Variants in STK31 observed in about 807,000 individuals in gnomAD.
The protein encoded by STK31 is serine/threonine-protein kinase 31.
In STK31, 89 loss-of-function variants were observed where a neutral mutation model predicts 129.7. That is an observed-to-expected ratio of 0.69 (90% CI 0.58 to 0.82). STK31 has a LOEUF of 0.82. Ranked by LOEUF, STK31 falls within the 40% of genes least tolerant of loss-of-function variation. The pLI is 0.00. For missense variants in STK31, 1,187 were observed against 1,176.4 expected (o/e 1.01, Z -0.13); for synonymous variants, 448 against 395.3 (o/e 1.13, Z -1.58).
At position 23,718,528 on chromosome 7, in the gene STK31, G is replaced by A. The variant is rs552752003; in HGVS notation, c.249+949G>A. On this transcript the variant is annotated intron_variant, in intron 4 of 23. Transcript: ENST00000355870. ...TTAGTCAGTAGTTTCTCCATCAGAG[G>A]TATAACCCTCATTTTGATACTATCA... Among the ~76,000 whole-genome samples, 155 of 152,152 alleles carry A rather than the reference G, an allele frequency of 1.0e-3. 1 individual carries two copies. The highest frequency in any genetic ancestry group is 8.8e-5 in the Non-Finnish European group (6 of 67,936).
At chr7:23,762,069 G>T (rs977683963) in intron 10 of STK31, among the ~76,000 whole-genome samples, 44 of 151,268 alleles carry the variant, frequency 2.9e-4, no homozygotes, top group Admixed American at 2.8e-3. Flanking sequence ...AGGTAATAGA[G>T]ATTAAAACTT....
intron 22 of STK31, among the ~76,000 whole-genome samples, chr7:23,806,445 C>G (rs983224346): frequency 1.3e-5 from 2 of 152,140 alleles, no homozygotes; most frequent in Admixed American, 1.3e-4. Flanking sequence ...TTCTCTGAAC[C>G]TTAGCAGTGC....
At chr7:23,793,834 G>T (rs1204667889) in intron 22 of STK31, among the ~76,000 whole-genome samples, 1 of 152,132 alleles carries the variant, frequency 6.6e-6, no homozygotes, top group East Asian at 1.9e-4. Flanking sequence ...TTTGTTAAAA[G>T]GTTGAACATA....
At chr7:23,772,698 G>T (rs1336382344) in intron 15 of STK31, among the ~76,000 whole-genome samples, 2 of 152,032 alleles carry the variant, frequency 1.3e-5, no homozygotes, top group Non-Finnish European at 2.9e-5. Flanking sequence ...CCTTTTTATG[G>T]ATAGATGTAA....
intron 23 of STK31, among the ~76,000 whole-genome samples, chr7:23,817,352 A>G (rs1793535387): frequency 6.6e-6 from 1 of 152,240 alleles, no homozygotes; most frequent in Admixed American, 6.5e-5. Flanking sequence ...ATTGAAAATG[A>G]GATTAATAAT....
At chr7:23,765,117 C>T (rs905712885) in intron 11 of STK31, among the ~76,000 whole-genome samples, 6 of 151,384 alleles carry the variant, frequency 4.0e-5, no homozygotes, top group South Asian at 2.1e-4. Context: ...GTGCAGTGGC[C>T]GATCTCCGCT....
chr7:23,827,894 G>C (rs905810558), intron 23 of STK31, among the ~76,000 whole-genome samples: 1 of 152,156 alleles, frequency 6.6e-6, no homozygotes, highest in Non-Finnish European at 1.5e-5. Context: ...CAGCAGTGGT[G>C]GCTGCAGAAC....
chr7:23,730,878 A>ATATATATATATATATATTTTT, intron 6 of STK31, among the ~76,000 whole-genome samples: 8 of 59,530 alleles, frequency 1.3e-4, no homozygotes, highest in Non-Finnish European at 2.6e-4. Context: ...ATATATATAT[A>ATATATATATATATATATTTTT]TTTTTTTTTT....
intron 4 of STK31, among the ~76,000 whole-genome samples, chr7:23,720,553 A>G (rs896917166): frequency 2.0e-5 from 3 of 152,196 alleles, no homozygotes; most frequent in Non-Finnish European, 4.4e-5. Flanking sequence ...TTAAAATGCT[A>G]GAGAGTTAAG....
At chr7:23,820,251 A>G (rs536015017) in intron 23 of STK31, among the ~76,000 whole-genome samples, 30 of 152,290 alleles carry the variant, frequency 2.0e-4, no homozygotes, top group Middle Eastern at 3.4e-3. Flanking sequence ...CCCAAGTCCT[A>G]CAGTTGGCCC....
intron 8 of STK31, among the ~76,000 whole-genome samples, chr7:23,748,488 G>T (rs1788489176): frequency 6.6e-6 from 1 of 152,086 alleles, no homozygotes; most frequent in African/African-American, 2.4e-5. Flanking sequence ...CTTATATGTG[G>T]ATATTTTAAA....
intron 8 of STK31, among the ~76,000 whole-genome samples, chr7:23,743,473 C>T (rs1788172702): frequency 6.6e-6 from 1 of 152,160 alleles, no homozygotes; most frequent in South Asian, 2.1e-4. Context: ...TCATTCTCTC[C>T]TGTAAGGATT....
intron 23 of STK31, among the ~76,000 whole-genome samples, chr7:23,824,081 G>A (rs1793959248): frequency 6.6e-6 from 1 of 152,176 alleles, no homozygotes; most frequent in Non-Finnish European, 1.5e-5. Flanking sequence ...GGCAATGCGG[G>A]CTCTTTGTTG....
Position 23,785,130 on chromosome 7 carries a change from C to T in STK31, c.2149-348C>T, listed in dbSNP as rs939894997. Among the ~76,000 whole-genome samples the T allele has an allele frequency of 4.6e-5, 7 of 152,242 alleles. No homozygotes were observed. In the East Asian group the frequency reaches 5.8e-4, roughly 13 times the overall value. On this transcript the variant is annotated intron_variant, in intron 17 of 23. Coordinates refer to ENST00000355870, the MANE Select transcript of STK31 (RefSeq NM_031414.5). ...CAATATGTAGTCCCTCATTCCTCAC[C>T]CCCGTCCCAATCAGTTGTTACTTTA...
At chr7:23,767,764 A>G (rs1449308196) in intron 11 of STK31, among the ~76,000 whole-genome samples, 1 of 152,092 alleles carries the variant, frequency 6.6e-6, no homozygotes. Context: ...GCCTATGAAA[A>G]AAGTTTTCTT....
intron 15 of STK31, among the ~76,000 whole-genome samples, chr7:23,774,337 G>C (rs908078888): frequency 2.0e-5 from 3 of 152,138 alleles, no homozygotes; most frequent in African/African-American, 7.2e-5. Context: ...TCTAGTTCTA[G>C]ATCCTTGAGG....
chr7:23,729,963 GTAT>G (rs1264498459), intron 6 of STK31, among the ~76,000 whole-genome samples: 1 of 152,220 alleles, frequency 6.6e-6, no homozygotes, highest in Non-Finnish European at 1.5e-5. Flanking sequence ...TAATCAGATT[GTAT>G]TATTTTGGCA....
At position 23,766,469 on chromosome 7, in the gene STK31, G is replaced by A. The variant is rs187810563; in HGVS notation, c.1417-2526G>A. 2.6e-3 allele frequency among the ~76,000 whole-genome samples: 400 copies of A among 152,214 alleles called. 1 individual carries two copies. Among genetic ancestry groups the A allele is most frequent in the South Asian group, 4.6e-3 (22 of 4,818 alleles). ...GGGTTTCACGATGTTGGCCGGGCTGGTCTCGAACTTCTGACCTCGAGTGAT... is the reference window on the plus strand; with the variant it reads ...GGGTTTCACGATGTTGGCCGGGCTGATCTCGAACTTCTGACCTCGAGTGAT... On this transcript the variant is annotated intron_variant, in intron 11 of 23. Coordinates refer to ENST00000355870, the MANE Select transcript of STK31 (RefSeq NM_031414.5).
chr7:23,730,878 A>ATATATATATATTT lies in STK31; in HGVS notation c.483+1630_483+1631insATATATATATTTT. ...CATTTATATATATATATATATATAT[A>ATATATATATATTT]TTTTTTTTTTTTTTTTTTGGTTGGG... On this transcript the variant is annotated intron_variant, in intron 6 of 23. Transcript: ENST00000355870. 1.3e-4 allele frequency among the ~76,000 whole-genome samples: 8 copies of ATATATATATATTT among 59,540 alleles called. No individual in the cohort carries two copies. In the East Asian group the frequency reaches 1.4e-3, roughly 10 times the overall value. 39.1% of individuals were successfully genotyped at this position (59,540 alleles called of 152,430 possible). A position where few individuals can be genotyped will look rare whatever the true frequency, so the allele number is the denominator to read the frequency against.
Sources: allele counts gnomAD v4.1 joint callset (sites outside exome capture counted in the v4.1 genomes callset), GRCh38; gene constraint gnomAD v4.1.1; transcripts MANE v1.5; gene names NCBI Gene and HGNC (gene_info 2026-07-23, HGNC 2026-07-21).